Variants in NCKAP5 observed in about 807,000 individuals in gnomAD.
NCKAP5 encodes nck-associated protein 5.
Under a neutral mutation model 167.0 loss-of-function variants are expected in NCKAP5, and 92 were observed. That is an observed-to-expected ratio of 0.55 (90% CI 0.47 to 0.66). The LOEUF (loss-of-function observed/expected upper bound fraction) is 0.66, where lower values mean the gene tolerates loss of function less well. Among genes scored for constraint, NCKAP5 ranks in the 30% least tolerant of loss-of-function variants. The pLI is 0.00. For synonymous variants in NCKAP5, 891 were observed against 877.4 expected, an observed-to-expected ratio of 1.02 and a Z score of -0.27; for missense variants, 2,378 against 2,315.0, an observed-to-expected ratio of 1.03 and a Z score of -0.56.
chr2:133,404,561 TTC>T (rs1303667297), intron 3 of NCKAP5, among the ~76,000 whole-genome samples: 1 of 152,252 alleles, frequency 6.6e-6, no homozygotes, highest in African/African-American at 2.4e-5. Flanking sequence ...TCTCATTTAT[TTC>T]TGAGGTTTTT....
intron 11 of NCKAP5, among the ~76,000 whole-genome samples, chr2:132,811,382 A>G (rs1191047239): frequency 3.9e-5 from 6 of 152,072 alleles, no homozygotes. Flanking sequence ...GGGAAAGACC[A>G]TCAAGTGGGG....
At chr2:133,597,997 G>A in the NCKAP5 span, among the ~76,000 whole-genome samples, 1 of 152,146 alleles carries the variant, frequency 6.6e-6, no homozygotes, top group Non-Finnish European at 1.5e-5. Context: ...TGGGTAAACT[G>A]GGAGAAACAG....
At chr2:133,190,036 ACC>A (rs1434711726) in intron 5 of NCKAP5, among the ~76,000 whole-genome samples, 1 of 152,106 alleles carries the variant, frequency 6.6e-6, no homozygotes, top group Non-Finnish European at 1.5e-5. Flanking sequence ...CATCATCTCA[ACC>A]CAAAATCTCC....
upstream of NCKAP5, among the ~76,000 whole-genome samples, chr2:133,570,222 C>T (rs190541486): frequency 3.9e-5 from 6 of 151,966 alleles, no homozygotes; most frequent in East Asian, 5.8e-4. Flanking sequence ...TGGTTACCCT[C>T]GGGAAAAAAG....
At chr2:133,248,828 C>T (rs1267384696) in intron 4 of NCKAP5, among the ~76,000 whole-genome samples, 1 of 152,202 alleles carries the variant, frequency 6.6e-6, no homozygotes, top group East Asian at 1.9e-4. Flanking sequence ...AGACCCAACC[C>T]TGGTCCTTGG....
intron 3 of NCKAP5, among the ~76,000 whole-genome samples, chr2:133,414,246 T>C (rs1214552192): frequency 6.6e-6 from 1 of 152,196 alleles, no homozygotes; most frequent in East Asian, 1.9e-4. Context: ...TGGAAATACC[T>C]AGACACAAGG....
At chr2:132,809,435 T>C (rs576717626) in intron 11 of NCKAP5, among the ~76,000 whole-genome samples, 2 of 152,310 alleles carry the variant, frequency 1.3e-5, no homozygotes, top group East Asian at 3.9e-4. Flanking sequence ...AATTGTTTTA[T>C]GAATTTGGGA....
At chr2:133,108,074 T>A (rs982026700) in intron 6 of NCKAP5, among the ~76,000 whole-genome samples, 21 of 152,338 alleles carry the variant, frequency 1.4e-4, no homozygotes, top group Middle Eastern at 3.4e-3. Context: ...TGATAAGCAT[T>A]TAATAACTCT....
chr2:132,801,329 C>T (rs1239603872), intron 11 of NCKAP5, among the ~76,000 whole-genome samples: 1 of 152,216 alleles, frequency 6.6e-6, no homozygotes, highest in Non-Finnish European at 1.5e-5. Flanking sequence ...GTTATTATTG[C>T]TGACATTGAC....
chr2:133,448,366 C>T (rs1559492404), intron 3 of NCKAP5, among the ~76,000 whole-genome samples: 1 of 152,104 alleles, frequency 6.6e-6, no homozygotes, highest in Non-Finnish European at 1.5e-5. Flanking sequence ...TCATGTATTT[C>T]ATTGACATGA....
chr2:132,679,204 G>A (rs1684883420), intron 19 of NCKAP5, among the ~76,000 whole-genome samples: 1 of 152,194 alleles, frequency 6.6e-6, no homozygotes, highest in African/African-American at 2.4e-5. Flanking sequence ...GTAATTAGCA[G>A]CCCTGGGCTG....
chr2:133,473,128 T>C (rs1259682767), intron 3 of NCKAP5, among the ~76,000 whole-genome samples: 1 of 152,060 alleles, frequency 6.6e-6, no homozygotes, highest in Non-Finnish European at 1.5e-5. Context: ...GGTCAGGAGA[T>C]CGAGACCATC....
intron 9 of NCKAP5, among the ~76,000 whole-genome samples, chr2:132,873,095 A>T (rs1690960662): frequency 6.6e-6 from 1 of 152,140 alleles, no homozygotes; most frequent in Admixed American, 6.5e-5. Flanking sequence ...GTTAAGAAAA[A>T]ATTATTTTAT....
At chr2:133,059,977 C>T (rs2079941974) in intron 6 of NCKAP5, among the ~76,000 whole-genome samples, 1 of 151,656 alleles carries the variant, frequency 6.6e-6, no homozygotes, top group South Asian at 2.1e-4. Context: ...CCCTCACCAA[C>T]AAAATCAGCT....
At chr2:132,727,882 G>C (rs1003795801) in intron 18 of NCKAP5, among the ~76,000 whole-genome samples, 4 of 152,234 alleles carry the variant, frequency 2.6e-5, no homozygotes, top group African/African-American at 7.2e-5. Context: ...GCTCAAGGTT[G>C]AAAGGTGGTT....
At chr2:133,112,062 C>T (rs2081931550) in intron 6 of NCKAP5, among the ~76,000 whole-genome samples, 1 of 152,044 alleles carries the variant, frequency 6.6e-6, no homozygotes, top group South Asian at 2.1e-4. Context: ...ATGGGTAGAC[C>T]AAGGGCAGTG....
chr2:133,485,278 T>A (rs992956000), intron 3 of NCKAP5, among the ~76,000 whole-genome samples: 14 of 151,938 alleles, frequency 9.2e-5, no homozygotes, highest in African/African-American at 3.4e-4. Context: ...TAGGCTAGAG[T>A]CTTTCCTCCC....
intron 8 of NCKAP5, among the ~76,000 whole-genome samples, chr2:132,899,789 C>T (rs969151206): frequency 1.3e-5 from 2 of 152,112 alleles, no homozygotes; most frequent in Non-Finnish European, 1.5e-5. Context: ...GCATGAGAAT[C>T]GCTTGAACCC....
intron 3 of NCKAP5, among the ~76,000 whole-genome samples, chr2:133,369,269 A>G (rs937866784): frequency 6.6e-6 from 1 of 152,222 alleles, no homozygotes; most frequent in Admixed American, 6.5e-5. Flanking sequence ...AGTCAGGTGC[A>G]GAACTATCGA....
Sources: allele counts gnomAD v4.1 joint callset (sites outside exome capture counted in the v4.1 genomes callset), GRCh38; gene constraint gnomAD v4.1.1; transcripts MANE v1.5; gene names NCBI Gene and HGNC (gene_info 2026-07-23, HGNC 2026-07-21).